Variants in HMCN1 observed in about 807,000 individuals in gnomAD.
HMCN1 encodes hemicentin 1, also known as hemicentin-1.
A neutral mutation model predicts 625.9 loss-of-function variants in HMCN1; 321 were observed. That is an observed-to-expected ratio of 0.51 (90% CI 0.47 to 0.56). The LOEUF (loss-of-function observed/expected upper bound fraction) is 0.56, where lower values mean the gene tolerates loss of function less well. Ranked by LOEUF, HMCN1 falls within the 20% of genes least tolerant of loss-of-function variation. The pLI, the probability that HMCN1 is intolerant of heterozygous loss-of-function variation, is 0.00. For synonymous variants in HMCN1, 2,425 were observed against 2,417.6 expected (o/e 1.00, Z -0.09); for missense variants, 6,588 against 6,887.3 (o/e 0.96, Z 1.54).
intron 1 of HMCN1, among the ~76,000 whole-genome samples, chr1:185,748,084 C>T (rs1462395630): frequency 1.8e-5 from 2 of 113,346 alleles, no homozygotes; most frequent in South Asian, 6.1e-4. Flanking sequence ...CAAGAAAATA[C>T]ATTATTTCAC....
chr1:185,799,592 C>CT (rs1233721572), intron 1 of HMCN1, among the ~76,000 whole-genome samples: 1 of 152,130 alleles, frequency 6.6e-6, no homozygotes. Flanking sequence ...AGCTTTCTAG[C>CT]TTTCTTAAAT....
At chr1:186,107,551 A>G (rs1017294965) in intron 70 of HMCN1, among the ~76,000 whole-genome samples, 4 of 152,214 alleles carry the variant, frequency 2.6e-5, no homozygotes, top group East Asian at 1.9e-4. Flanking sequence ...TTTTATCTCA[A>G]TGGTTTGGTG....
Position 186,161,603 on chromosome 1 carries a change from T to C in HMCN1, c.15257-3508T>C, listed in dbSNP as rs552036699. On this transcript the variant is annotated intron_variant, in intron 97 of 106. Transcript: ENST00000271588. ...TTAGTGCTTCCTTCAGGAGCTCTTT[T>C]AGGGCAGGCCTGGTGGTGACAAAAT... is the stretch of plus-strand genomic sequence containing the variant. Among the ~76,000 whole-genome samples the C allele has an allele frequency of 7.7e-3, 1,177 of 152,236 alleles. 17 individuals carry two copies. The highest frequency in any genetic ancestry group is 0.027 in the African/African-American group (1,138 of 41,474).
Position 185,751,113 on chromosome 1 carries a change from G to T in HMCN1, c.268+16066G>T, listed in dbSNP as rs553326850. On this transcript the variant is annotated intron_variant, in intron 1 of 106. Coordinates refer to ENST00000271588, the MANE Select transcript of HMCN1 (RefSeq NM_031935.3). ...TTGTTTGTTGATTTCTTTACTCATT[G>T]TTGCTTCTAGCTCCCTACTCCTTCA... Among the ~76,000 whole-genome samples, 3 of 152,100 alleles carry T rather than the reference G, an allele frequency of 2.0e-5. No individual in the cohort carries two copies. In the South Asian group the frequency reaches 6.2e-4, roughly 32 times the overall value.
At chr1:185,996,155 T>G (rs1213970743) in intron 24 of HMCN1, among the ~76,000 whole-genome samples, 2 of 152,100 alleles carry the variant, frequency 1.3e-5, no homozygotes, top group African/African-American at 4.8e-5. Flanking sequence ...TATGCCCTCA[T>G]GAAATGGTGG....
intron 80 of HMCN1, among the ~76,000 whole-genome samples, chr1:186,121,891 T>C (rs888294565): frequency 6.6e-6 from 1 of 152,128 alleles, no homozygotes; most frequent in African/African-American, 2.4e-5. Flanking sequence ...GGCAGGGATA[T>C]CGTTGGAAAA....
At chr1:185,982,436 C>CTT (rs766406820) in intron 18 of HMCN1, 47 bp downstream of exon 18, 5 of 1,427,070 alleles carry the variant, frequency 3.5e-6, no homozygotes, top group Non-Finnish European at 2.8e-6. Context: ...TGTGAGTTTT[C>CTT]TTTTCTTTTT....
At chr1:185,954,948 T>G (rs1450985324) in intron 11 of HMCN1, among the ~76,000 whole-genome samples, 1 of 152,134 alleles carries the variant, frequency 6.6e-6, no homozygotes, top group African/African-American at 2.4e-5. Flanking sequence ...TCAGTGTAAA[T>G]GAGCTATTGT....
At chr1:185,910,005 CTT>C (rs1459571830) in intron 5 of HMCN1, among the ~76,000 whole-genome samples, 1 of 152,060 alleles carries the variant, frequency 6.6e-6, no homozygotes, top group African/African-American at 2.4e-5. Context: ...CACTTTGCCT[CTT>C]AAGTATATTT....
At chr1:185,783,953 T>C (rs530151830) in intron 1 of HMCN1, among the ~76,000 whole-genome samples, 12 of 152,356 alleles carry the variant, frequency 7.9e-5, no homozygotes, top group African/African-American at 2.4e-4. Context: ...AGGTAGAGTC[T>C]ACAGAGGCAG....
chr1:185,941,693 C>A (rs1217272915), intron 11 of HMCN1, among the ~76,000 whole-genome samples: 1 of 152,180 alleles, frequency 6.6e-6, no homozygotes, highest in Non-Finnish European at 1.5e-5. Flanking sequence ...ATTCCAGTTT[C>A]ATGCAATAAA....
intron 33 of HMCN1, 24 bp from the exon 34 acceptor site, chr1:186,018,159 A>G (rs774839675): frequency 1.3e-6 from 2 of 1,590,348 alleles, no homozygotes; most frequent in Non-Finnish European, 1.7e-6. Flanking sequence ...ATTTATCCAG[A>G]CTTCCTTTTG....
At chr1:185,834,585 GA>G (rs1249543340) in intron 1 of HMCN1, among the ~76,000 whole-genome samples, 1 of 152,198 alleles carries the variant, frequency 6.6e-6, no homozygotes, top group Non-Finnish European at 1.5e-5. Flanking sequence ...ATGCAAGACA[GA>G]AACTATGGTC....
At chr1:185,958,096 T>C (rs1291553756) in intron 11 of HMCN1, among the ~76,000 whole-genome samples, 2 of 152,168 alleles carry the variant, frequency 1.3e-5, no homozygotes, top group African/African-American at 4.8e-5. Context: ...TATAATCTTT[T>C]TTTTGAGAAA....
At chr1:185,975,731 T>A (rs1651160158) in intron 15 of HMCN1, among the ~76,000 whole-genome samples, 1 of 152,194 alleles carries the variant, frequency 6.6e-6, no homozygotes, top group Admixed American at 6.6e-5. Context: ...ATCTAAACAC[T>A]GATACACGAT....
intron 105 of HMCN1, among the ~76,000 whole-genome samples, chr1:186,186,154 C>T (rs1028878316): frequency 6.6e-6 from 1 of 152,036 alleles, no homozygotes; most frequent in African/African-American, 2.4e-5. Context: ...AGTCTGTATT[C>T]GTTGTCAAAT....
chr1:185,735,180 A>G (rs1653473053), intron 1 of HMCN1, 133 bp downstream of exon 1: 2 of 1,030,498 alleles, frequency 1.9e-6, no homozygotes, highest in Admixed American at 2.1e-5. Flanking sequence ...TAGTTGTAAC[A>G]AAGAATTACT....
chr1:186,093,538 A>G lies in HMCN1; in HGVS notation c.10065A>G (p.Leu3355=). 1.2e-6 allele frequency: 2 copies of G among 1,613,500 alleles called. No homozygotes were observed. Among genetic ancestry groups the G allele is most frequent in the African/African-American group, 1.3e-5 (1 of 75,002 alleles). ...NKDEAEKLMT[L]VDTSINIECR... is the part of the protein sequence containing the mutation. ...ATGAAGCAGAGAAACTAATGACTTT[A>G]GTGGATACTTCAATAAATATTGAAT... is the stretch of plus-strand genomic sequence containing the variant. Residue 3355 remains leucine (L), a synonymous_variant, in exon 66 of 107, where the codon TTA becomes TTG. Coordinates refer to ENST00000271588, the MANE Select transcript of HMCN1 (RefSeq NM_031935.3).
intron 2 of HMCN1, among the ~76,000 whole-genome samples, chr1:185,863,174 C>T (rs929183013): frequency 1.3e-5 from 2 of 152,116 alleles, no homozygotes; most frequent in Admixed American, 1.3e-4. Context: ...TATTTTCTTT[C>T]TGAGAAAGAG....
Sources: gnomAD v4.1 joint callset for allele counts (sites outside exome capture counted in the v4.1 genomes callset) on GRCh38, gnomAD v4.1.1 for gene constraint, MANE v1.5 for transcripts, NCBI Gene and HGNC (gene_info 2026-07-23, HGNC 2026-07-21) for gene names.